Variants in ACTR3C observed in about 807,000 individuals in gnomAD.
ACTR3C encodes the protein actin related protein 3C.
A neutral mutation model predicts 26.3 loss-of-function variants in ACTR3C; 18 were observed. The observed-to-expected ratio is 0.68, with a 90% CI of 0.47 to 1.01. The LOEUF (loss-of-function observed/expected upper bound fraction) is 1.01, where lower values mean the gene tolerates loss of function less well. ACTR3C is among the 50% of genes least tolerant of loss of function. The pLI, the probability that ACTR3C is intolerant of heterozygous loss-of-function variation, is 0.00. For synonymous variants in ACTR3C, 55 were observed against 94.5 expected, an observed-to-expected ratio of 0.58 and a Z score of 2.42; for missense variants, 184 against 250.7, an observed-to-expected ratio of 0.73 and a Z score of 1.80.
At chr7:150,045,647 T>G in the ACTR3C span, among the ~76,000 whole-genome samples, 1 of 151,068 alleles carries the variant, frequency 6.6e-6, no homozygotes, top group African/African-American at 2.5e-5. Context: ...ACATGTTATA[T>G]CCCTGATTTG....
chr7:149,890,191 G>GA, the ACTR3C span, among the ~76,000 whole-genome samples: 5 of 151,818 alleles, frequency 3.3e-5, no homozygotes, highest in Admixed American at 1.3e-4. Context: ...GTACTTGCAT[G>GA]AAAAAAAATC....
At chr7:150,202,741 A>C in the ACTR3C span, among the ~76,000 whole-genome samples, 2 of 152,242 alleles carry the variant, frequency 1.3e-5, no homozygotes, top group Non-Finnish European at 2.9e-5. Flanking sequence ...GAAATAGAAC[A>C]TTGGTATTGG....
the ACTR3C span, among the ~76,000 whole-genome samples, chr7:150,225,056 C>A: frequency 6.7e-6 from 1 of 150,064 alleles, no homozygotes. Context: ...TTTGCCTGCA[C>A]GAGCATGCGA....
the ACTR3C span, among the ~76,000 whole-genome samples, chr7:150,195,590 CA>C: frequency 1.9e-4 from 29 of 151,628 alleles, no homozygotes; most frequent in Non-Finnish European, 2.9e-4. Context: ...AAGATCACTT[CA>C]GGGGGGGCCA....
the ACTR3C span, among the ~76,000 whole-genome samples, chr7:149,956,199 G>A: frequency 2.6e-5 from 4 of 152,082 alleles, no homozygotes; most frequent in Non-Finnish European, 4.4e-5. Context: ...GATCATGTTA[G>A]GTATATAATT....
the ACTR3C span, among the ~76,000 whole-genome samples, chr7:149,910,845 CA>C: frequency 1.8e-4 from 26 of 146,724 alleles, no homozygotes; most frequent in African/African-American, 4.2e-4. Context: ...CTGGGGAAAC[CA>C]AAAAAAAAAC....
the ACTR3C span, among the ~76,000 whole-genome samples, chr7:150,123,621 A>ACACC: frequency 6.7e-6 from 1 of 149,936 alleles, no homozygotes; most frequent in Non-Finnish European, 1.5e-5. Context: ...ACAAACACAC[A>ACACC]CCCCTATTGG....
intron 6 of ACTR3C, among the ~76,000 whole-genome samples, chr7:150,281,664 G>GGCCACGCCTCAACAT (rs1464437991): frequency 6.6e-6 from 1 of 152,008 alleles, no homozygotes; most frequent in African/African-American, 2.4e-5. Context: ...AACTAGCAAA[G>GGCCACGCCTCAACAT]GCCACGCCTC....
chr7:149,984,574 T>C, the ACTR3C span, among the ~76,000 whole-genome samples: 1 of 151,370 alleles, frequency 6.6e-6, no homozygotes, highest in African/African-American at 2.4e-5. Context: ...CCTCCACTGT[T>C]GATAATGTAA....
the ACTR3C span, among the ~76,000 whole-genome samples, chr7:150,028,543 C>T: frequency 6.6e-6 from 1 of 152,306 alleles, no homozygotes. Flanking sequence ...GTCCTTCAGA[C>T]CTAAGACCCG....
At chr7:150,136,229 C>A in the ACTR3C span, among the ~76,000 whole-genome samples, 19,971 of 151,856 alleles carry the variant, frequency 0.13, 3,865 homozygotes, top group African/African-American at 0.44. Context: ...AGGTAGATGG[C>A]CGGTGCTGCT....
chr7:150,029,947 TA>T, the ACTR3C span, among the ~76,000 whole-genome samples: 1 of 147,062 alleles, frequency 6.8e-6, no homozygotes, highest in African/African-American at 2.6e-5. Context: ...AGAATCATCC[TA>T]ATCATCGAAT....
intron 6 of ACTR3C, among the ~76,000 whole-genome samples, chr7:150,264,209 C>T (rs1046613639): frequency 2.0e-5 from 3 of 152,236 alleles, no homozygotes; most frequent in Non-Finnish European, 2.9e-5. Flanking sequence ...TGCTCCTTTG[C>T]GATTCAGAAT....
chr7:150,150,065 T>C, the ACTR3C span, among the ~76,000 whole-genome samples: 1 of 151,818 alleles, frequency 6.6e-6, no homozygotes. Context: ...CCATTTTCCT[T>C]CCCTGCTATA....
At chr7:150,001,816 T>C in the ACTR3C span, 1 of 151,108 alleles carries the variant, frequency 6.6e-6, no homozygotes, top group Admixed American at 6.6e-5. Flanking sequence ...TCCTGCAGCA[T>C]GCATGCAGAA....
chr7:150,034,617 C>T, the ACTR3C span, among the ~76,000 whole-genome samples: 41 of 151,780 alleles, frequency 2.7e-4, no homozygotes, highest in Middle Eastern at 6.8e-3. Flanking sequence ...AACCTGCTTT[C>T]TTTCTGTTCC....
the ACTR3C span, among the ~76,000 whole-genome samples, chr7:150,049,585 C>T: frequency 6.6e-6 from 1 of 152,278 alleles, no homozygotes; most frequent in African/African-American, 2.4e-5. Flanking sequence ...GCAGGCTCGC[C>T]CCCAGCCTTG....
At chr7:150,257,855 T>C (rs980500230) in intron 6 of ACTR3C, among the ~76,000 whole-genome samples, 34 of 151,978 alleles carry the variant, frequency 2.2e-4, no homozygotes, top group African/African-American at 8.0e-4. Flanking sequence ...AGGGGCACCA[T>C]CATCAATAAT....
the ACTR3C span, among the ~76,000 whole-genome samples, chr7:150,149,787 T>A: frequency 6.6e-6 from 1 of 152,170 alleles, no homozygotes; most frequent in African/African-American, 2.4e-5. Context: ...GTTTGTGTCA[T>A]GTGTGTGAAA....
Sources: gnomAD v4.1 joint callset for allele counts (sites outside exome capture counted in the v4.1 genomes callset) on GRCh38, gnomAD v4.1.1 for gene constraint, MANE v1.5 for transcripts, NCBI Gene and HGNC (gene_info 2026-07-23, HGNC 2026-07-21) for gene names.